THSD7B: variants seen among roughly 807,000 people sequenced by gnomAD.
The protein encoded by THSD7B is thrombospondin type 1 domain containing 7B, also known as thrombospondin type-1 domain-containing protein 7B.
A neutral mutation model predicts 213.6 loss-of-function variants in THSD7B; 138 were observed. That is an observed-to-expected ratio of 0.65 (90% confidence interval 0.56 to 0.74). THSD7B has a LOEUF of 0.74. Among genes scored for constraint, THSD7B ranks in the 30% least tolerant of loss-of-function variants. The probability of loss-of-function intolerance (pLI) is 0.00; values close to 1 mark genes in which losing one functional copy is unlikely to be tolerated. For synonymous variants in THSD7B, 742 were observed against 687.0 expected (o/e 1.08, Z -1.25); for missense variants, 1,931 against 1,991.5 (o/e 0.97, Z 0.58).
intron 12 of THSD7B, among the ~76,000 whole-genome samples, chr2:137,289,112 A>C (rs1201831150): frequency 6.6e-6 from 1 of 152,022 alleles, no homozygotes; most frequent in Non-Finnish European, 1.5e-5. Context: ...TTCTTTTTCA[A>C]ACCTCGGAAG....
chr2:137,304,107 T>G (rs1683681707), intron 12 of THSD7B, among the ~76,000 whole-genome samples: 1 of 152,050 alleles, frequency 6.6e-6, no homozygotes, highest in Non-Finnish European at 1.5e-5. Context: ...TTTTCCAGCT[T>G]GATTCATGTC....
At chr2:136,959,973 A>C (rs1558867861) in intron 2 of THSD7B, among the ~76,000 whole-genome samples, 1 of 152,188 alleles carries the variant, frequency 6.6e-6, no homozygotes, top group Non-Finnish European at 1.5e-5. Flanking sequence ...CAGAATTAAG[A>C]GCTGAATCGC....
chr2:136,908,220 A>G (rs552939367), intron 2 of THSD7B, among the ~76,000 whole-genome samples: 1 of 152,330 alleles, frequency 6.6e-6, no homozygotes, highest in South Asian at 2.1e-4. Context: ...TTAATAATAA[A>G]TAAGTCAAAT....
chr2:137,183,112 G>T (rs1680485939), intron 7 of THSD7B, among the ~76,000 whole-genome samples: 1 of 152,086 alleles, frequency 6.6e-6, no homozygotes, highest in African/African-American at 2.4e-5. Context: ...TCTCTCAGAG[G>T]CCTAGTTTCC....
intron 12 of THSD7B, among the ~76,000 whole-genome samples, chr2:137,342,950 A>G (rs914168121): frequency 6.6e-6 from 1 of 151,046 alleles, no homozygotes; most frequent in Non-Finnish European, 1.5e-5. Context: ...TTTCTTGGGA[A>G]TTTTCCCCCT....
At chr2:136,857,711 T>G (rs1163503514) in intron 1 of THSD7B, among the ~76,000 whole-genome samples, 4 of 152,242 alleles carry the variant, frequency 2.6e-5, no homozygotes, top group African/African-American at 9.6e-5. Context: ...AAGTAGTGAT[T>G]TGAAGGTTCA....
intron 12 of THSD7B, among the ~76,000 whole-genome samples, chr2:137,311,877 G>C (rs1242677937): frequency 7.0e-6 from 1 of 142,830 alleles, no homozygotes; most frequent in African/African-American, 2.6e-5. Context: ...TGGTGGATAA[G>C]CTTTTTGATG....
intron 12 of THSD7B, among the ~76,000 whole-genome samples, chr2:137,390,028 A>G (rs1685983766): frequency 1.3e-5 from 2 of 152,072 alleles, no homozygotes; most frequent in African/African-American, 4.8e-5. Context: ...GTTCAGCTAA[A>G]CTGGCTCTTT....
chr2:137,486,533 C>G (rs2105114299), intron 15 of THSD7B, among the ~76,000 whole-genome samples: 1 of 150,204 alleles, frequency 6.7e-6, no homozygotes, highest in South Asian at 2.1e-4. Flanking sequence ...GACTCCCACA[C>G]AATAATAATG....
At chr2:137,489,178 G>A (rs1688548644) in intron 15 of THSD7B, among the ~76,000 whole-genome samples, 1 of 152,098 alleles carries the variant, frequency 6.6e-6, no homozygotes, top group African/African-American at 2.4e-5. Flanking sequence ...TGTAATACTA[G>A]CACTTTGGGA....
chr2:137,368,215 G>T (rs1049115876), intron 12 of THSD7B, among the ~76,000 whole-genome samples: 1 of 151,504 alleles, frequency 6.6e-6, no homozygotes, highest in African/African-American at 2.4e-5. Flanking sequence ...ATGGACTTTG[G>T]GTATATGAAA....
rs558743149 is a variant in THSD7B at position 137,372,785 on chromosome 2, G to A, written c.2501-32828G>A. Among the ~76,000 whole-genome samples the A allele has an allele frequency of 7.9e-5, 12 of 151,888 alleles. 1 individual carries two copies. The highest frequency in any genetic ancestry group is 2.9e-4 in the African/African-American group (12 of 41,418). On this transcript the variant is annotated intron_variant, in intron 12 of 27. Coordinates refer to ENST00000409968, the MANE Select transcript of THSD7B (RefSeq NM_001316349.2). ...ATATGTATACATGTGCCATGCTGGTGTGCTGCACCCATTAACTCGTCATTT... is the reference window on the plus strand; with the variant it reads ...ATATGTATACATGTGCCATGCTGGTATGCTGCACCCATTAACTCGTCATTT...
intron 15 of THSD7B, among the ~76,000 whole-genome samples, chr2:137,531,216 A>C (rs1025875974): frequency 6.6e-6 from 1 of 151,988 alleles, no homozygotes; most frequent in African/African-American, 2.4e-5. Flanking sequence ...GCACTCAATT[A>C]ATAATAGTTG....
intron 2 of THSD7B, among the ~76,000 whole-genome samples, chr2:136,918,737 TG>T (rs1441965702): frequency 6.6e-6 from 1 of 152,254 alleles, no homozygotes; most frequent in African/African-American, 2.4e-5. Flanking sequence ...GGAAGCAATC[TG>T]GCCTTTTCAG....
At chr2:137,499,816 CACAT>C (rs766751548) in intron 15 of THSD7B, among the ~76,000 whole-genome samples, 9 of 152,212 alleles carry the variant, frequency 5.9e-5, no homozygotes, top group Admixed American at 2.6e-4. Flanking sequence ...TGAGTGCACA[CACAT>C]ACACACCAGA....
rs1296907388 is a variant in THSD7B at position 137,451,131 on chromosome 2, T to C, written c.3138+108T>C. ...ATTACAAGGAGCTCATTAAAAGTTA[T>C]CACAATGTCAGAAGAAGGATTAAGA... On this transcript the variant is annotated intron_variant, in intron 15 of 27. Coordinates refer to ENST00000409968, the MANE Select transcript of THSD7B (RefSeq NM_001316349.2). The C allele has an allele frequency of 2.5e-6, 3 of 1,194,570 alleles. No individual in the cohort carries two copies. In the African/African-American group the frequency reaches 4.7e-5, roughly 19 times the overall value. The allele number at this position is 1,194,570 out of a possible 1,614,324, so 74.0% of individuals were successfully genotyped here.
Position 137,337,583 on chromosome 2 carries a change from T to C in THSD7B, c.2500+61557T>C, listed in dbSNP as rs187051396. Among the ~76,000 whole-genome samples the C allele has an allele frequency of 2.9e-4, 44 of 152,252 alleles. No homozygotes were observed. The East Asian group carries it at 7.5e-3, about 26-fold the overall frequency. On this transcript the variant is annotated intron_variant, in intron 12 of 27. Coordinates refer to ENST00000409968, the MANE Select transcript of THSD7B (RefSeq NM_001316349.2). ...ATACATATTATGTGTGAGGTTACTT[T>C]GAGACTATAAAAGCATCCTGTTTCT...
intron 2 of THSD7B, among the ~76,000 whole-genome samples, chr2:136,950,570 C>A (rs1292046922): frequency 6.6e-6 from 1 of 152,052 alleles, no homozygotes; most frequent in Non-Finnish European, 1.5e-5. Context: ...ACGTCTGATT[C>A]TTAATATTAC....
In THSD7B at chr2:137,314,300, G is replaced by A. The variant is rs1211138836; in HGVS notation, c.2500+38274G>A. ...ACCCTGTCTTCCAGTTGATCACATC[G>A]GCTCCTGAGGCTTCTGCATTCTTCA... On this transcript the variant is annotated intron_variant, in intron 12 of 27. Transcript: ENST00000409968. 9.2e-5 allele frequency among the ~76,000 whole-genome samples: 14 copies of A among 151,966 alleles called. No individual in the cohort carries two copies. The East Asian group carries it at 9.7e-4, about 10-fold the overall frequency.
Sources: allele counts gnomAD v4.1 joint callset (sites outside exome capture counted in the v4.1 genomes callset), GRCh38; gene constraint gnomAD v4.1.1; transcripts MANE v1.5; gene names NCBI Gene and HGNC (gene_info 2026-07-23, HGNC 2026-07-21).